XG: variants seen among roughly 807,000 people sequenced by gnomAD.
The protein encoded by XG is glycoprotein Xg.
XG carries 24 observed loss-of-function variants against 25.7 expected under a neutral mutation model. The ratio of observed to expected loss-of-function variants is 0.93; its 90% CI spans 0.68 to 1.31. The LOEUF is 1.31. Among genes scored for constraint, XG ranks in the 40% most tolerant of loss-of-function variants. The pLI is 0.00. For synonymous variants in XG, 77 were observed against 69.2 expected (o/e 1.11, Z -0.56); for missense variants, 181 against 187.6 (o/e 0.96, Z 0.21).
chrX:2,770,954 C>T (rs1321321501), intron 2 of XG, among the ~76,000 whole-genome samples: 1 of 152,064 alleles, frequency 6.6e-6, no homozygotes, highest in Non-Finnish European at 1.5e-5. Context: ...TCAAGTGATC[C>T]TCCCACCTCA....
rs750325672 is a variant in XG, at chrX:2,782,712, A to G, written c.190+584A>G. Among the ~76,000 whole-genome samples the G allele has an allele frequency of 1.7e-3, 186 of 111,492 alleles. 1 individual carries two copies. Among genetic ancestry groups the G allele is most frequent in the Admixed American group, 2.6e-3 (27 of 10,533 alleles). ...CCATCCAGTGCAGAGGCTGCAAAAT[A>G]TCTCAAGCACCGATCTTAGGTTTTA... is the stretch of plus-strand genomic sequence containing the variant. On this transcript the variant is annotated intron_variant, in intron 4 of 10. Transcript: ENST00000644266.
intron 2 of XG, among the ~76,000 whole-genome samples, chrX:2,772,309 A>C (rs1259663945): frequency 6.6e-6 from 1 of 152,214 alleles, no homozygotes; most frequent in African/African-American, 2.4e-5. Flanking sequence ...AAAGGTGGAA[A>C]CAACCCAACT....
intron 1 of XG, among the ~76,000 whole-genome samples, chrX:2,758,268 T>C (rs2050481142): frequency 6.6e-6 from 1 of 152,166 alleles, no homozygotes; most frequent in Non-Finnish European, 1.5e-5. Flanking sequence ...GTCTTTGATG[T>C]GCAGGTCATC....
intron 3 of XG, 118 bp downstream of exon 3, chrX:2,774,857 G>C: frequency 7.6e-7 from 1 of 1,316,394 alleles, no homozygotes; most frequent in East Asian, 2.3e-5. Context: ...TGCAACAACT[G>C]TACCAGATAG....
chrX:2,803,474 G>A (rs767095842), intron 7 of XG, among the ~76,000 whole-genome samples: 1 of 111,386 alleles, frequency 9.0e-6, no homozygotes, highest in East Asian at 2.8e-4. Context: ...CCCGAGACCA[G>A]AGTTTTATTA....
At chrX:2,781,926 C>T in intron 3 of XG, 140 bp from the exon 4 acceptor site, 3 of 524,144 alleles carry the variant, frequency 5.7e-6, no homozygotes, top group Non-Finnish European at 6.4e-6. Context: ...CAGACAATGG[C>T]AATCTATAAA....
At chrX:2,756,047 TAAAGA>T (rs2050428232) in intron 1 of XG, among the ~76,000 whole-genome samples, 1 of 152,080 alleles carries the variant, frequency 6.6e-6, no homozygotes, top group African/African-American at 2.4e-5. Context: ...TAAAATAAAA[TAAAGA>T]AGACAGAATA....
intron 8 of XG, among the ~76,000 whole-genome samples, chrX:2,807,323 C>T (rs2087008652): frequency 8.8e-6 from 1 of 112,996 alleles, no homozygotes; most frequent in African/African-American, 3.2e-5. Flanking sequence ...TGGATAGATG[C>T]AGGAGTGTGC....
At chrX:2,783,701 G>A (rs1017606824) in intron 4 of XG, among the ~76,000 whole-genome samples, 20 of 112,849 alleles carry the variant, frequency 1.8e-4, no homozygotes, top group Non-Finnish European at 3.6e-4. Flanking sequence ...CAGGCCGGGC[G>A]TGGGGGCTCA....
At chrX:2,781,488 G>A (rs2086728024) in intron 3 of XG, among the ~76,000 whole-genome samples, 1 of 115,126 alleles carries the variant, frequency 8.7e-6, no homozygotes, top group African/African-American at 3.2e-5. Context: ...AATCACTTAT[G>A]TCTTTAGATA....
At chrX:2,756,026 A>G (rs1006440163) in intron 1 of XG, among the ~76,000 whole-genome samples, 2 of 152,236 alleles carry the variant, frequency 1.3e-5, no homozygotes, top group African/African-American at 4.8e-5. Context: ...CTGCACACGT[A>G]TCCCGGAACT....
chrX:2,762,672 C>G (rs1044198443), intron 1 of XG, among the ~76,000 whole-genome samples: 2 of 152,208 alleles, frequency 1.3e-5, no homozygotes, highest in Non-Finnish European at 2.9e-5. Flanking sequence ...ACAAGCCCCC[C>G]GGGAATAAGA....
rs187989867 is a variant in XG at position 2,779,847 on chromosome X, A to G, written c.128-2219A>G. On this transcript the variant is annotated intron_variant, in intron 3 of 10. Coordinates refer to ENST00000644266, the MANE Select transcript of XG (RefSeq NM_001141919.2). ...TTTTTGGTAGAGACGGGTTTTAACC[A>G]TGTTGTCCAGGCTGGTTTCGAACTC... 6.2e-4 allele frequency among the ~76,000 whole-genome samples: 95 copies of G among 152,058 alleles called. 1 individual carries two copies. The highest frequency in any genetic ancestry group is 2.2e-3 in the African/African-American group (91 of 41,490).
At chrX:2,798,022 T>C (rs1261442899) in intron 7 of XG, among the ~76,000 whole-genome samples, 20 of 111,612 alleles carry the variant, frequency 1.8e-4, no homozygotes, top group African/African-American at 5.2e-4. Context: ...GCACTCCAGC[T>C]TGGGTGACAG....
At chrX:2,758,007 G>C (rs886340984) in intron 1 of XG, among the ~76,000 whole-genome samples, 5 of 141,878 alleles carry the variant, frequency 3.5e-5, no homozygotes, top group Non-Finnish European at 7.6e-5. Flanking sequence ...GGAAAAAAAA[G>C]TTATGATGAT....
At chrX:2,771,726 T>C (rs2050823858) in intron 2 of XG, among the ~76,000 whole-genome samples, 1 of 152,180 alleles carries the variant, frequency 6.6e-6, no homozygotes, top group South Asian at 2.1e-4. Flanking sequence ...ATGGTGTTTG[T>C]TGGAGGAAGA....
chrX:2,798,515 C>T (rs137916311), intron 7 of XG, among the ~76,000 whole-genome samples: 3 of 110,197 alleles, frequency 2.7e-5, no homozygotes, highest in African/African-American at 9.9e-5. Flanking sequence ...GGATTACAAG[C>T]ATGTGCCACT....
chrX:2,753,001 G>A, intron 1 of XG: 1 of 984,880 alleles, frequency 1.0e-6, no homozygotes. Context: ...CAACGGTTGA[G>A]TAAGTTTCTT....
Position 2,775,064 on chromosome X carries a change from G to C in XG, c.127+325G>C, listed in dbSNP as rs889112128. On this transcript the variant is annotated intron_variant, in intron 3 of 10. Transcript: ENST00000644266. ...TACAGCCACTGTGAACAAATGCTTT[G>C]GTGGATCCTCCAAAAGTTAAATACA... 17 of 359,154 alleles carry C rather than the reference G, an allele frequency of 4.7e-5. No homozygotes were observed. In the Admixed American group the frequency reaches 4.9e-4, roughly 10 times the overall value. The allele number at this position is 359,154 out of a possible 1,614,324, so 22.2% of individuals were successfully genotyped here.
Sources: allele counts gnomAD v4.1 joint callset (sites outside exome capture counted in the v4.1 genomes callset), GRCh38; gene constraint gnomAD v4.1.1; transcripts MANE v1.5; gene names NCBI Gene and HGNC (gene_info 2026-07-23, HGNC 2026-07-21).